The following RSPO2 variants were observed in gnomAD, a reference collection of about 807,000 sequenced individuals.
RSPO2 encodes the protein R-spondin-2.
A neutral mutation model predicts 30.9 loss-of-function variants in RSPO2; 14 were observed. The observed-to-expected ratio is 0.45, with a 90% CI of 0.30 to 0.71. RSPO2 has a LOEUF of 0.71. Ranked by LOEUF, RSPO2 falls within the 30% of genes least tolerant of loss-of-function variation. RSPO2 has a pLI of 0.08. For missense variants in RSPO2, 264 were observed against 301.9 expected, an observed-to-expected ratio of 0.87 and a Z score of 0.93; for synonymous variants, 107 against 96.4, an observed-to-expected ratio of 1.11 and a Z score of -0.64.
intron 2 of RSPO2, among the ~76,000 whole-genome samples, chr8:107,996,290 T>C (rs1322571819): frequency 6.6e-6 from 1 of 152,182 alleles, no homozygotes; most frequent in African/African-American, 2.4e-5. Context: ...TATGGAATGA[T>C]ATTTAGAGAA....
At chr8:107,990,767 C>G (rs1814817197) in intron 2 of RSPO2, among the ~76,000 whole-genome samples, 1 of 152,058 alleles carries the variant, frequency 6.6e-6, no homozygotes. Context: ...GCAAAAATAA[C>G]AAAGCTGGAG....
chr8:107,946,332 A>G (rs57832787), intron 5 of RSPO2, among the ~76,000 whole-genome samples: 14,444 of 152,284 alleles, frequency 0.095, 910 homozygotes, highest in East Asian at 0.22. Flanking sequence ...ATGTGAGGAA[A>G]AGATTCAAAG....
chr8:107,979,317 G>A (rs1450058672), intron 3 of RSPO2, among the ~76,000 whole-genome samples: 2 of 152,216 alleles, frequency 1.3e-5, no homozygotes, highest in African/African-American at 2.4e-5. Flanking sequence ...TTAAGAAAAT[G>A]TGGCACATAT....
chr8:108,016,704 G>A (rs188716082), intron 2 of RSPO2, among the ~76,000 whole-genome samples: 1 of 152,240 alleles, frequency 6.6e-6, no homozygotes, highest in Non-Finnish European at 1.5e-5. Context: ...ATGTGTTGTT[G>A]GAGGTGGGGC....
At chr8:108,075,787 A>T (rs1812994951) in intron 2 of RSPO2, among the ~76,000 whole-genome samples, 1 of 152,132 alleles carries the variant, frequency 6.6e-6, no homozygotes, top group South Asian at 2.1e-4. Flanking sequence ...TCAATTTTTA[A>T]AAAAACAGCA....
chr8:107,961,868 A>C (rs535721637), intron 3 of RSPO2, among the ~76,000 whole-genome samples: 4 of 152,376 alleles, frequency 2.6e-5, no homozygotes, highest in African/African-American at 7.2e-5. Flanking sequence ...GCAATAATTT[A>C]TAAGCTTGTA....
intron 2 of RSPO2, among the ~76,000 whole-genome samples, chr8:108,052,931 G>T (rs1006287323): frequency 3.9e-5 from 6 of 152,032 alleles, no homozygotes; most frequent in African/African-American, 1.4e-4. Flanking sequence ...AGGAAACATG[G>T]TAAAAAGGTG....
At chr8:108,007,635 T>C (rs1363522259) in intron 2 of RSPO2, among the ~76,000 whole-genome samples, 4 of 152,192 alleles carry the variant, frequency 2.6e-5, no homozygotes, top group Non-Finnish European at 1.5e-5. Context: ...AAACAGAACT[T>C]GATACTGTAG....
intron 2 of RSPO2, among the ~76,000 whole-genome samples, chr8:108,031,260 G>C (rs1372742230): frequency 6.6e-6 from 1 of 152,126 alleles, no homozygotes; most frequent in East Asian, 1.9e-4. Context: ...AGATTGCAAA[G>C]ATTTTGCATC....
intron 2 of RSPO2, among the ~76,000 whole-genome samples, chr8:108,065,292 A>G (rs1377210381): frequency 6.6e-6 from 1 of 151,028 alleles, no homozygotes; most frequent in African/African-American, 2.4e-5. Flanking sequence ...AGAAATTGAA[A>G]AAAAAAAAAA....
chr8:107,978,450 T>C (rs902867992), intron 3 of RSPO2, among the ~76,000 whole-genome samples: 2 of 152,086 alleles, frequency 1.3e-5, no homozygotes, highest in African/African-American at 2.4e-5. Flanking sequence ...ATTTAATAAA[T>C]GGTTGCTGGG....
chr8:107,925,282 A>ACC (rs1439899569), intron 5 of RSPO2, among the ~76,000 whole-genome samples: 1 of 151,960 alleles, frequency 6.6e-6, no homozygotes, highest in Non-Finnish European at 1.5e-5. Context: ...AACCACCTGT[A>ACC]CCCCAAAAAC....
intron 2 of RSPO2, among the ~76,000 whole-genome samples, chr8:108,038,055 T>C (rs910486647): frequency 2.6e-5 from 4 of 152,234 alleles, no homozygotes; most frequent in Admixed American, 6.5e-5. Flanking sequence ...CCATATATAG[T>C]GATTCCTCTA....
chr8:107,909,577 C>T (rs144009555), intron 5 of RSPO2, among the ~76,000 whole-genome samples: 303 of 152,076 alleles, frequency 2.0e-3, no homozygotes, highest in Non-Finnish European at 3.5e-3. Context: ...TCAATAAATA[C>T]GGATAGTCAT....
intron 3 of RSPO2, among the ~76,000 whole-genome samples, chr8:107,974,082 C>A (rs1480330288): frequency 6.6e-6 from 1 of 152,108 alleles, no homozygotes; most frequent in Non-Finnish European, 1.5e-5. Flanking sequence ...GAATGGGTAA[C>A]CTGCCTACAG....
intron 2 of RSPO2, among the ~76,000 whole-genome samples, chr8:108,019,151 A>G (rs1301773729): frequency 2.6e-5 from 4 of 152,114 alleles, no homozygotes; most frequent in Non-Finnish European, 5.9e-5. Flanking sequence ...ATTTTTTTAA[A>G]AAAACACGGC....
At chr8:107,955,627 A>G (rs1163544658) in intron 5 of RSPO2, among the ~76,000 whole-genome samples, 1 of 115,264 alleles carries the variant, frequency 8.7e-6, no homozygotes, top group Non-Finnish European at 2.1e-5. Flanking sequence ...GCTAAGCATT[A>G]CACTGTTTTT....
intron 2 of RSPO2, among the ~76,000 whole-genome samples, chr8:108,056,568 A>C (rs1812250906): frequency 6.7e-6 from 1 of 148,698 alleles, no homozygotes; most frequent in Non-Finnish European, 1.5e-5. Flanking sequence ...GGCTGCAGTG[A>C]ACCAAGATGG....
At chr8:107,997,830 C>T (rs1815083803) in intron 2 of RSPO2, among the ~76,000 whole-genome samples, 1 of 152,164 alleles carries the variant, frequency 6.6e-6, no homozygotes, top group African/African-American at 2.4e-5. Flanking sequence ...CAGTTATTCA[C>T]ATTTATCTCA....
Sources: allele counts gnomAD v4.1 joint callset (sites outside exome capture counted in the v4.1 genomes callset), GRCh38; gene constraint gnomAD v4.1.1; transcripts MANE v1.5; gene names NCBI Gene and HGNC (gene_info 2026-07-23, HGNC 2026-07-21).